Variants in HSP90AA1 observed in about 807,000 individuals in gnomAD.
HSP90AA1 encodes the protein heat shock protein HSP 90-alpha.
HSP90AA1 carries 18 observed loss-of-function variants against 73.3 expected under a neutral mutation model. The ratio of observed to expected loss-of-function variants is 0.25; its 90% CI spans 0.17 to 0.36. HSP90AA1 has a LOEUF of 0.36. HSP90AA1 is among the 10% of genes least tolerant of loss of function. The pLI, the probability that HSP90AA1 is intolerant of heterozygous loss-of-function variation, is 1.00. For missense variants in HSP90AA1, 704 were observed against 874.2 expected (o/e 0.81, Z 2.45); for synonymous variants, 477 against 296.9 (o/e 1.61, Z -6.24).
At chr14:102,127,853 G>A (rs2049857912) in intron 1 of HSP90AA1, among the ~76,000 whole-genome samples, 2 of 152,150 alleles carry the variant, frequency 1.3e-5, no homozygotes, top group South Asian at 4.2e-4. Context: ...TTGCTATGTT[G>A]CCAGGTTGGT....
upstream of HSP90AA1, among the ~76,000 whole-genome samples, chr14:102,087,356 C>A (rs563689098): frequency 2.0e-5 from 3 of 151,120 alleles, no homozygotes; most frequent in African/African-American, 4.9e-5. Context: ...CTTCTGGGGC[C>A]GCCCGCGCCC....
intron 1 of HSP90AA1, among the ~76,000 whole-genome samples, chr14:102,110,599 T>TTTA: frequency 6.8e-6 from 1 of 148,084 alleles, no homozygotes. Flanking sequence ...TTTTTTTTTT[T>TTTA]GAGACAGTCT....
At chr14:102,087,092 C>G, upstream of HSP90AA1, 1 of 984,362 alleles carries the variant, frequency 1.0e-6, no homozygotes, top group Non-Finnish European at 1.2e-6. Flanking sequence ...GCCCGCCCAG[C>G]GCGCGGCGCT....
chr14:102,116,707 C>G (rs2049711420), intron 1 of HSP90AA1, among the ~76,000 whole-genome samples: 1 of 152,174 alleles, frequency 6.6e-6, no homozygotes, highest in African/African-American at 2.4e-5. Context: ...CAGCAGGAGC[C>G]AGGGACAAGC....
upstream of HSP90AA1, among the ~76,000 whole-genome samples, chr14:102,088,071 C>T (rs968651731): frequency 1.3e-5 from 2 of 149,354 alleles, no homozygotes; most frequent in South Asian, 2.1e-4. Flanking sequence ...CCTCAGCTTT[C>T]CCAGTAGCTG....
intron 1 of HSP90AA1, among the ~76,000 whole-genome samples, chr14:102,107,849 C>T (rs1279182256): frequency 1.3e-5 from 2 of 151,806 alleles, no homozygotes; most frequent in Non-Finnish European, 2.9e-5. Flanking sequence ...TAGGAGGGCA[C>T]GTATGAAGAT....
intron 1 of HSP90AA1, among the ~76,000 whole-genome samples, chr14:102,132,500 CT>C (rs2049920470): frequency 6.6e-6 from 1 of 151,782 alleles, no homozygotes; most frequent in Admixed American, 6.6e-5. Context: ...TGAGCCGGGC[CT>C]GTACCACTGT....
At chr14:102,117,527 G>A (rs931562137) in intron 1 of HSP90AA1, among the ~76,000 whole-genome samples, 2 of 152,050 alleles carry the variant, frequency 1.3e-5, no homozygotes, top group African/African-American at 4.8e-5. Flanking sequence ...CTGCTTAGCA[G>A]AGAGGAGCTA....
chr14:102,115,131 A>C (rs975353007), intron 1 of HSP90AA1, among the ~76,000 whole-genome samples: 1 of 75,930 alleles, frequency 1.3e-5, no homozygotes, highest in African/African-American at 2.9e-5. Context: ...TGGGCCACAG[A>C]GCAAGAAAAA....
intron 1 of HSP90AA1, among the ~76,000 whole-genome samples, chr14:102,103,221 A>ATTTTT (rs1244776166): frequency 9.9e-6 from 1 of 101,006 alleles, no homozygotes; most frequent in Non-Finnish European, 2.0e-5. Flanking sequence ...GTGGGAGTTG[A>ATTTTT]TTTTTTTTTT....
chr14:102,100,550 C>T (rs1004848294), intron 2 of HSP90AA1, among the ~76,000 whole-genome samples: 8 of 151,986 alleles, frequency 5.3e-5, no homozygotes, highest in South Asian at 2.1e-4. Context: ...CTCAGCATCC[C>T]GAGTAGTTGG....
chr14:102,085,108 A>C, intron 4 of HSP90AA1, 110 bp from the exon 5 acceptor site: 1 of 1,569,286 alleles, frequency 6.4e-7, no homozygotes, highest in Non-Finnish European at 8.7e-7. Flanking sequence ...CAACTTGAGA[A>C]GCACCCAGCT....
intron 1 of HSP90AA1, among the ~76,000 whole-genome samples, chr14:102,131,548 G>A (rs1566737576): frequency 6.6e-6 from 1 of 152,142 alleles, no homozygotes; most frequent in African/African-American, 2.4e-5. Flanking sequence ...GCTTCTTACT[G>A]TTCCCTGAAC....
chr14:102,082,633 T>G (rs1284013446), intron 9 of HSP90AA1, 189 bp from the exon 10 acceptor site: 2 of 615,978 alleles, frequency 3.2e-6, no homozygotes, highest in Non-Finnish European at 5.7e-6. Context: ...GCACAATTTT[T>G]TTTTTGAGAT....
At position 102,085,435 on chromosome 14, in the gene HSP90AA1, C is replaced by T. The variant is rs1188588581; in HGVS notation, c.530-4G>A. ...GTTCCACGACCCATAGGTTCACCTGCAAGAGAAGAAAGAAAAATTGACTTA... is the reference window on the plus strand; with the variant it reads ...GTTCCACGACCCATAGGTTCACCTGTAAGAGAAGAAAGAAAAATTGACTTA... On this transcript the variant is annotated splice_polypyrimidine_tract_variant and splice_region_variant and intron_variant, in intron 3 of 10. Transcript: ENST00000216281. 2 of 1,585,720 alleles carry T rather than the reference C, an allele frequency of 1.3e-6. No individual in the cohort carries two copies. The highest frequency in any genetic ancestry group is 1.7e-6 in the Non-Finnish European group (2 of 1,170,192).
intron 5 of HSP90AA1, 55 bp from the exon 6 acceptor site, chr14:102,084,619 T>C (rs546726651): frequency 3.1e-6 from 5 of 1,614,042 alleles, no homozygotes; most frequent in African/African-American, 2.7e-5. Flanking sequence ...TAGAAGATAT[T>C]TGGGGTGGTG....
intron 1 of HSP90AA1, among the ~76,000 whole-genome samples, chr14:102,123,993 G>A (rs1230689348): frequency 1.3e-5 from 2 of 151,850 alleles, no homozygotes; most frequent in Non-Finnish European, 2.9e-5. Flanking sequence ...AAGAGATGGC[G>A]CCTCCCTCTG....
chr14:102,086,445 GC>G, intron 1 of HSP90AA1, 67 bp from the exon 2 acceptor site: 1 of 1,528,880 alleles, frequency 6.5e-7, no homozygotes, highest in South Asian at 1.1e-5. Context: ...AAATTCCATC[GC>G]GTTCTCCAAA....
intron 2 of HSP90AA1, among the ~76,000 whole-genome samples, chr14:102,093,334 C>T (rs925233364): frequency 1.2e-4 from 18 of 151,180 alleles, no homozygotes; most frequent in Admixed American, 9.2e-4. Context: ...CATGGTGAAA[C>T]GCTGTCTCTA....
Sources: allele counts gnomAD v4.1 joint callset (sites outside exome capture counted in the v4.1 genomes callset), GRCh38; gene constraint gnomAD v4.1.1; transcripts MANE v1.5; gene names NCBI Gene and HGNC (gene_info 2026-07-23, HGNC 2026-07-21).